NBAS: variants seen among roughly 807,000 people sequenced by gnomAD.
NBAS encodes the protein NBAS subunit of NRZ tethering complex.
A neutral mutation model predicts 302.5 loss-of-function variants in NBAS; 219 were observed. The observed-to-expected ratio is 0.72, with a 90% confidence interval of 0.65 to 0.81. NBAS has a LOEUF of 0.81. Ranked by LOEUF, NBAS falls within the 30% of genes least tolerant of loss-of-function variation. The pLI is 0.00. For synonymous variants in NBAS, 1,118 were observed against 1,021.6 expected, an observed-to-expected ratio of 1.09 and a Z score of -1.80; for missense variants, 2,932 against 2,841.6, an observed-to-expected ratio of 1.03 and a Z score of -0.72.
chr2:15,218,662 A>T, intron 48 of NBAS, 111 bp downstream of exon 48: 1 of 1,402,584 alleles, frequency 7.1e-7, no homozygotes, highest in Non-Finnish European at 1.0e-6. Flanking sequence ...TCCTGGCCTC[A>T]GGTGATCCTC....
chr2:15,272,767 T>TA (rs1282437792), intron 44 of NBAS, among the ~76,000 whole-genome samples: 3 of 152,200 alleles, frequency 2.0e-5, no homozygotes, highest in Admixed American at 2.0e-4. Context: ...GACTGAATCT[T>TA]TACTGAGTCA....
chr2:15,385,616 T>C (rs568557587), intron 28 of NBAS, among the ~76,000 whole-genome samples: 1 of 152,310 alleles, frequency 6.6e-6, no homozygotes, highest in East Asian at 1.9e-4. Flanking sequence ...GGAATAGATG[T>C]GGATTTCCCA....
rs538897535 is a variant in NBAS, at chr2:15,340,779, A to G, written c.4180-10014T>C. ...GAGATGCAGTGGCCAGTGAGGTCTG[A>G]GAAAAACAAGACGACCGAGATGTCC... is the stretch of plus-strand genomic sequence containing the variant. On this transcript the variant is annotated intron_variant, in intron 35 of 51. Coordinates refer to ENST00000281513, the MANE Select transcript of NBAS (RefSeq NM_015909.4). Among the ~76,000 whole-genome samples the G allele has an allele frequency of 3.3e-5, 5 of 152,300 alleles. No homozygotes were observed. The East Asian group carries it at 9.7e-4, about 29-fold the overall frequency.
chr2:15,073,476 C>CAAA, the NBAS span, among the ~76,000 whole-genome samples: 2 of 65,766 alleles, frequency 3.0e-5, no homozygotes, highest in African/African-American at 1.5e-4. Context: ...AACTCCTTCT[C>CAAA]AAAAAAAAAA....
Position 15,428,667 on chromosome 2 carries a change from T to C in NBAS, c.2340-873A>G, listed in dbSNP as rs1234718528. On this transcript the variant is annotated intron_variant, in intron 21 of 51. Transcript: ENST00000281513. ...TGTAGGAGGATCGCTTGAGCCCTAC[T>C]AAAAGGTTGAGACTGCAGTAAGCCA... is the stretch of plus-strand genomic sequence containing the variant. Among the ~76,000 whole-genome samples, 10 of 152,052 alleles carry C rather than the reference T, an allele frequency of 6.6e-5. No individual in the cohort carries two copies. The East Asian group carries it at 1.9e-3, about 29-fold the overall frequency.
chr2:15,511,716 T>G (rs1279606713), intron 9 of NBAS, among the ~76,000 whole-genome samples: 7 of 152,188 alleles, frequency 4.6e-5, no homozygotes, highest in African/African-American at 1.7e-4. Context: ...TGGCAATGTA[T>G]CTGATGCAAT....
At chr2:14,809,292 T>G in the NBAS span, among the ~76,000 whole-genome samples, 1 of 152,110 alleles carries the variant, frequency 6.6e-6, no homozygotes, top group Non-Finnish European at 1.5e-5. Context: ...TGGCAGCCCC[T>G]CCCACCACAG....
downstream of NBAS, among the ~76,000 whole-genome samples, chr2:15,165,632 G>A (rs1318775544): frequency 6.6e-6 from 1 of 152,174 alleles, no homozygotes. Context: ...AAATAGATGG[G>A]GAACCCAACC....
At chr2:15,118,275 G>A in the NBAS span, among the ~76,000 whole-genome samples, 147,757 of 152,280 alleles carry the variant, frequency 0.97, 71,719 homozygotes, top group East Asian at 1. Context: ...TGGGGCTAGC[G>A]CAACTTTATC....
At chr2:15,363,102 G>A (rs1348456432) in intron 32 of NBAS, among the ~76,000 whole-genome samples, 12 of 152,148 alleles carry the variant, frequency 7.9e-5, no homozygotes. Context: ...AGAAAGAGCT[G>A]GTGGTTGGGG....
chr2:15,466,936 CA>C (rs35850907), intron 19 of NBAS, among the ~76,000 whole-genome samples: 2,889 of 133,074 alleles, frequency 0.022, 63 homozygotes, highest in East Asian at 0.074. Flanking sequence ...GATCCTATCT[CA>C]AAAAAAAAAA....
In NBAS at chr2:15,488,890, G is replaced by A. The variant is rs112852390; in HGVS notation, c.1083+4C>T. ...AGTATCATTCTAATAACCAAGAGAC[G>A]CACCTGCTCATTTTGACCCCATTCC... On this transcript the variant is annotated splice_donor_region_variant and intron_variant, in intron 12 of 51. Transcript: ENST00000281513. The A allele has an allele frequency of 8.1e-4, 1,313 of 1,613,202 alleles. 6 individuals carry two copies. The African/African-American group carries it at 0.014, about 17-fold the overall frequency.
At chr2:15,466,696 A>G (rs144774585) in intron 19 of NBAS, among the ~76,000 whole-genome samples, 1 of 152,162 alleles carries the variant, frequency 6.6e-6, no homozygotes, top group Non-Finnish European at 1.5e-5. Context: ...CTAGCACTTC[A>G]GGAGGCTGAG....
chr2:15,524,796 G>A (rs1353590042), intron 9 of NBAS, among the ~76,000 whole-genome samples: 1 of 149,600 alleles, frequency 6.7e-6, no homozygotes, highest in East Asian at 1.9e-4. Context: ...ACCTAGGTAT[G>A]CATTTTTTTT....
At chr2:14,795,488 T>TATATATATATATATA in the NBAS span, among the ~76,000 whole-genome samples, 9 of 151,610 alleles carry the variant, frequency 5.9e-5, no homozygotes, top group African/African-American at 2.0e-4. Context: ...TATATATATA[T>TATATATATATATATA]TCTGGATACA....
intron 3 of NBAS, among the ~76,000 whole-genome samples, chr2:15,556,344 C>A (rs1238278353): frequency 6.6e-6 from 1 of 152,104 alleles, no homozygotes; most frequent in Non-Finnish European, 1.5e-5. Flanking sequence ...TTAGCATCAT[C>A]CCTGCAAATA....
intron 40 of NBAS, 82 bp from the exon 41 acceptor site, chr2:15,292,848 G>T: frequency 7.5e-7 from 1 of 1,338,880 alleles, no homozygotes; most frequent in Non-Finnish European, 1.1e-6. Context: ...AGAAGACCAT[G>T]TCTGCAAGGA....
chr2:15,373,472 A>G (rs931088525), intron 31 of NBAS, among the ~76,000 whole-genome samples: 1 of 152,116 alleles, frequency 6.6e-6, no homozygotes, highest in East Asian at 1.9e-4. Flanking sequence ...CTGGGACTAC[A>G]TACGCATGCC....
chr2:15,144,057 ATATATATATATC>A, the NBAS span, among the ~76,000 whole-genome samples: 3 of 140,298 alleles, frequency 2.1e-5, 1 homozygote, highest in African/African-American at 8.2e-5. Context: ...AAATATATAT[ATATATATATATC>A]TCCCATTAGT....
Sources: allele counts gnomAD v4.1 joint callset (sites outside exome capture counted in the v4.1 genomes callset), GRCh38; gene constraint gnomAD v4.1.1; transcripts MANE v1.5; gene names NCBI Gene and HGNC (gene_info 2026-07-23, HGNC 2026-07-21).